Variants in CADM2 observed in about 807,000 individuals in gnomAD.
CADM2 encodes the protein immunoglobulin superfamily member 4D.
CADM2 carries 12 observed loss-of-function variants against 49.8 expected under a neutral mutation model. That is an observed-to-expected ratio of 0.24 (90% CI 0.15 to 0.39). The LOEUF (loss-of-function observed/expected upper bound fraction) is 0.39. Among genes scored for constraint, CADM2 ranks in the 10% least tolerant of loss-of-function variants. CADM2 has a pLI of 1.00. For missense variants in CADM2, 378 were observed against 492.3 expected, an observed-to-expected ratio of 0.77 and a Z score of 2.20; for synonymous variants, 214 against 175.4, an observed-to-expected ratio of 1.22 and a Z score of -1.74.
At chr3:85,654,186 T>C (rs991668034) in intron 1 of CADM2, among the ~76,000 whole-genome samples, 1 of 152,094 alleles carries the variant, frequency 6.6e-6, no homozygotes, top group East Asian at 1.9e-4. Context: ...GGGTGTTCAC[T>C]GGAGGGAAAA....
intron 1 of CADM2, among the ~76,000 whole-genome samples, chr3:85,244,800 G>A (rs530880615): frequency 6.6e-6 from 1 of 152,076 alleles, no homozygotes; most frequent in South Asian, 2.1e-4. Context: ...TACTACCAAG[G>A]TATTAATTTG....
chr3:85,231,707 C>CTTTTTT (rs754139147), intron 1 of CADM2, among the ~76,000 whole-genome samples: 1 of 130,724 alleles, frequency 7.6e-6, no homozygotes. Flanking sequence ...AGTTTCCTTT[C>CTTTTTT]TTTTTTTTTT....
intron 1 of CADM2, among the ~76,000 whole-genome samples, chr3:85,075,569 TG>T (rs2036913102): frequency 6.6e-6 from 1 of 152,178 alleles, no homozygotes; most frequent in African/African-American, 2.4e-5. Flanking sequence ...AACTTGTTTG[TG>T]GGTTACATTT....
intron 1 of CADM2, among the ~76,000 whole-genome samples, chr3:85,381,729 G>A (rs2033921176): frequency 6.6e-6 from 1 of 151,940 alleles, no homozygotes. Context: ...AGTTTCAGCT[G>A]TCATCTTAAC....
At chr3:85,575,245 A>G in intron 1 of CADM2, among the ~76,000 whole-genome samples, 1 of 152,200 alleles carries the variant, frequency 6.6e-6, no homozygotes, top group East Asian at 1.9e-4. Context: ...TGAACTTACC[A>G]AAAATATACT....
At chr3:85,028,373 T>A (rs916559308) in intron 1 of CADM2, among the ~76,000 whole-genome samples, 2 of 152,182 alleles carry the variant, frequency 1.3e-5, no homozygotes, top group African/African-American at 4.8e-5. Flanking sequence ...GCATGACAAG[T>A]GTCAGGCTTG....
At chr3:85,343,034 T>C (rs558960612) in intron 1 of CADM2, among the ~76,000 whole-genome samples, 1 of 152,244 alleles carries the variant, frequency 6.6e-6, no homozygotes, top group Admixed American at 6.5e-5. Context: ...CATTGTCAAG[T>C]AGGGGTGATT....
chr3:85,209,665 TA>T lies in CADM2; in HGVS notation c.61+250007del, dbSNP rs1029762081. Among the ~76,000 whole-genome samples the T allele has an allele frequency of 1.1e-3, 165 of 148,844 alleles. 2 individuals are homozygous for T. The East Asian group carries it at 0.011, about 10-fold the overall frequency. On this transcript the variant is annotated intron_variant, in intron 1 of 9. Coordinates refer to ENST00000383699, the MANE Select transcript of CADM2 (RefSeq NM_001167675.2). ...CACAGATTGAGCTTCTCAGGCATCT[TA>T]AAAAAAAAACATACAGAAGAAAAAA...
chr3:86,073,590 T>TA lies in CADM2; in HGVS notation c.*6807_*6808insA, dbSNP rs1491216667. On this transcript the variant is annotated 3_prime_UTR_variant, in exon 10 of 10. Transcript: ENST00000383699. ...TTGCACTTCATCTTTCAGTAAAGTC[T>TA]TGTCAGAAAAAAATTGTCTGATAAA... is the stretch of plus-strand genomic sequence containing the variant. 2.0e-5 allele frequency: 3 copies of TA among 151,996 alleles called. No homozygotes were observed. The highest frequency in any genetic ancestry group is 7.2e-5 in the African/African-American group (3 of 41,440). The allele number at this position is 151,996 out of a possible 1,614,324, so 9.4% of individuals were successfully genotyped here. A position where few individuals can be genotyped will look rare whatever the true frequency, so the allele number is the denominator to read the frequency against.
At chr3:85,515,629 A>AT (rs201585752) in intron 1 of CADM2, among the ~76,000 whole-genome samples, 22,828 of 120,886 alleles carry the variant, frequency 0.19, 2,390 homozygotes, top group Middle Eastern at 0.26. Flanking sequence ...ATATATATAT[A>AT]TATTTTTTTT....
At chr3:85,552,612 C>T (rs992228418) in intron 1 of CADM2, among the ~76,000 whole-genome samples, 1 of 151,742 alleles carries the variant, frequency 6.6e-6, no homozygotes, top group African/African-American at 2.4e-5. Flanking sequence ...GATCTCCTGA[C>T]CTTGTGATCC....
chr3:85,717,998 C>G (rs989585295), intron 1 of CADM2, among the ~76,000 whole-genome samples: 1 of 152,052 alleles, frequency 6.6e-6, no homozygotes, highest in East Asian at 1.9e-4. Context: ...TTGAACTCCT[C>G]ACTTCAGGTG....
intron 1 of CADM2, among the ~76,000 whole-genome samples, chr3:85,082,560 C>T (rs1356441019): frequency 1.3e-5 from 2 of 152,094 alleles, no homozygotes; most frequent in African/African-American, 4.8e-5. Flanking sequence ...TGGCACAAAT[C>T]GCTGAACTTT....
At chr3:85,958,905 G>A (rs572590030) in intron 7 of CADM2, among the ~76,000 whole-genome samples, 2 of 151,898 alleles carry the variant, frequency 1.3e-5, no homozygotes, top group South Asian at 4.2e-4. Context: ...TTGCAGGGTT[G>A]GGGGTGAGGG....
At chr3:85,601,847 TTC>T (rs2063416223) in intron 1 of CADM2, among the ~76,000 whole-genome samples, 1 of 151,782 alleles carries the variant, frequency 6.6e-6, no homozygotes, top group South Asian at 2.1e-4. Flanking sequence ...TGTTTTTCGT[TTC>T]TGTTTCTTTT....
At chr3:85,573,549 T>C (rs58889493) in intron 1 of CADM2, among the ~76,000 whole-genome samples, 2 of 151,890 alleles carry the variant, frequency 1.3e-5, no homozygotes, top group Non-Finnish European at 2.9e-5. Context: ...TATTAACTAC[T>C]ATCAGTGTAA....
intron 1 of CADM2, among the ~76,000 whole-genome samples, chr3:85,569,661 T>C (rs761903336): frequency 8.1e-5 from 12 of 148,770 alleles, no homozygotes; most frequent in Non-Finnish European, 1.5e-4. Context: ...TATGGGATGA[T>C]TGGTTAGATC....
chr3:85,819,095 C>T (rs959364998), intron 3 of CADM2, among the ~76,000 whole-genome samples: 1 of 152,096 alleles, frequency 6.6e-6, no homozygotes, highest in African/African-American at 2.4e-5. Flanking sequence ...CCTGGCAAAC[C>T]ACTGGTGTAA....
intron 1 of CADM2, among the ~76,000 whole-genome samples, chr3:85,480,568 C>T (rs1399015288): frequency 2.6e-5 from 4 of 151,784 alleles, no homozygotes; most frequent in African/African-American, 9.7e-5. Context: ...TAGAAAAGTA[C>T]CTGTCCCATT....
Sources: gnomAD v4.1 joint callset for allele counts (sites outside exome capture counted in the v4.1 genomes callset) on GRCh38, gnomAD v4.1.1 for gene constraint, MANE v1.5 for transcripts, NCBI Gene and HGNC (gene_info 2026-07-23, HGNC 2026-07-21) for gene names.